VPS8: variants seen among roughly 807,000 people sequenced by gnomAD.
VPS8 encodes vacuolar protein sorting-associated protein 8 homolog.
VPS8 carries 129 observed loss-of-function variants against 216.4 expected under a neutral mutation model. The observed-to-expected ratio is 0.60, with a 90% CI of 0.52 to 0.69. The LOEUF is 0.69. Among genes scored for constraint, VPS8 ranks in the 30% least tolerant of loss-of-function variants. The pLI, the probability that VPS8 is intolerant of heterozygous loss-of-function variation, is 0.00. For synonymous variants in VPS8, 571 were observed against 565.4 expected (o/e 1.01, Z -0.14); for missense variants, 1,531 against 1,683.5 (o/e 0.91, Z 1.59).
At chr3:184,891,602 TG>T (rs923248816) in intron 22 of VPS8, among the ~76,000 whole-genome samples, 3 of 152,194 alleles carry the variant, frequency 2.0e-5, no homozygotes, top group Admixed American at 2.0e-4. Context: ...TATTCACAGC[TG>T]TGTAAGTATC....
chr3:185,031,062 C>CTTTTTTTTTTTTTTTTTTT (rs1561198896), intron 46 of VPS8, among the ~76,000 whole-genome samples: 4 of 75,260 alleles, frequency 5.3e-5, no homozygotes, highest in African/African-American at 3.0e-4. Context: ...TACAGGTTGG[C>CTTTTTTTTTTTTTTTTTTT]GTTTTTTTTT....
chr3:184,911,884 A>T (rs1272853217), intron 25 of VPS8, among the ~76,000 whole-genome samples: 2 of 152,212 alleles, frequency 1.3e-5, no homozygotes, highest in African/African-American at 2.4e-5. Flanking sequence ...CAAACCATGT[A>T]TGAAGTTCCC....
intron 38 of VPS8, among the ~76,000 whole-genome samples, chr3:184,965,359 C>T (rs991949769): frequency 1.5e-4 from 23 of 152,114 alleles, no homozygotes; most frequent in African/African-American, 5.6e-4. Flanking sequence ...CTTTTTCTTG[C>T]AATTTATTTG....
Position 184,971,683 on chromosome 3 carries a change from A to G in VPS8, c.3351A>G (p.Glu1117=). ...AGGATCCCTCATTGAAGGATGTTGA[A>G]GATACTATGGTGGAGACCATTGCTC... The part of the protein sequence containing the change: ...TKEDPSLKDV[E]DTMVETIALC... Residue 1117 remains glutamate (E), a synonymous_variant, in exon 40 of 48, where the codon GAA becomes GAG. Transcript: ENST00000625842. 6.2e-7 allele frequency: 1 copy of G among 1,613,442 alleles called. No individual in the cohort carries two copies. Among genetic ancestry groups the G allele is most frequent in the Non-Finnish European group, 8.5e-7 (1 of 1,179,582 alleles).
intron 23 of VPS8, among the ~76,000 whole-genome samples, chr3:184,897,095 A>T (rs1733639558): frequency 6.6e-6 from 1 of 152,238 alleles, no homozygotes; most frequent in African/African-American, 2.4e-5. Context: ...TTTCCATTTT[A>T]TTCTAAATGC....
At chr3:184,890,629 T>C (rs917386461) in intron 22 of VPS8, among the ~76,000 whole-genome samples, 45 of 152,134 alleles carry the variant, frequency 3.0e-4, no homozygotes, top group Admixed American at 2.9e-3. Context: ...TGTATTCCTA[T>C]TTATATTTAA....
At position 184,863,007 on chromosome 3, in the gene VPS8, G is replaced by A; in HGVS notation, c.1335G>A (p.Leu445=). The change falls in exon 16 of 48, where the codon CTG becomes CTA. Residue 445 remains leucine (L), a synonymous_variant. Coordinates refer to ENST00000625842, the MANE Select transcript of VPS8 (RefSeq NM_001009921.3). The part of the protein sequence containing the change: ...LETVEISEVQ[L]VYNSSHFKSL... ...CAGTGGAGATCTCAGAAGTTCAGCT[G>A]GTCTACAATAGCAGCCATTTCAAAT... The A allele has an allele frequency of 6.2e-7, 1 of 1,612,886 alleles. No homozygotes were observed. Among genetic ancestry groups the A allele is most frequent in the Non-Finnish European group, 8.5e-7 (1 of 1,179,428 alleles).
intron 25 of VPS8, among the ~76,000 whole-genome samples, chr3:184,904,787 T>C (rs1735190286): frequency 6.6e-6 from 1 of 152,224 alleles, no homozygotes; most frequent in Admixed American, 6.5e-5. Flanking sequence ...GTGTTAACTT[T>C]TTTAATGTTT....
intron 46 of VPS8, among the ~76,000 whole-genome samples, chr3:185,026,404 GT>G (rs1484091239): frequency 1.4e-5 from 2 of 140,202 alleles, no homozygotes; most frequent in African/African-American, 5.4e-5. Flanking sequence ...AGGGATGGCT[GT>G]ATTTCTTTTT....
chr3:184,857,395 A>C (rs1385660225), intron 14 of VPS8, among the ~76,000 whole-genome samples: 1 of 152,254 alleles, frequency 6.6e-6, no homozygotes, highest in East Asian at 1.9e-4. Flanking sequence ...CCTAAACAGT[A>C]TCTCTTCAAA....
At chr3:185,020,133 T>C (rs1756436151) in intron 45 of VPS8, among the ~76,000 whole-genome samples, 1 of 152,208 alleles carries the variant, frequency 6.6e-6, no homozygotes, top group Non-Finnish European at 1.5e-5. Context: ...ATATTATATA[T>C]GAGGATACAA....
At chr3:184,946,388 G>A (rs962958854) in intron 36 of VPS8, among the ~76,000 whole-genome samples, 2 of 152,224 alleles carry the variant, frequency 1.3e-5, no homozygotes, top group South Asian at 2.1e-4. Context: ...AGGAATGAGC[G>A]AGGACAGCCA....
chr3:185,026,822 C>T (rs1175264077), intron 46 of VPS8, among the ~76,000 whole-genome samples: 1 of 150,672 alleles, frequency 6.6e-6, no homozygotes, highest in Non-Finnish European at 1.5e-5. Context: ...GATTCTCTTG[C>T]CTTAGTCTCC....
intron 3 of VPS8, 42 bp downstream of exon 3, chr3:184,826,273 T>G: frequency 6.6e-7 from 1 of 1,524,536 alleles, no homozygotes; most frequent in Non-Finnish European, 9.0e-7. Context: ...GTGTGTGGCA[T>G]TCATCTTAAT....
At chr3:184,868,556 A>G (rs1361162844) in intron 18 of VPS8, among the ~76,000 whole-genome samples, 1 of 152,214 alleles carries the variant, frequency 6.6e-6, no homozygotes, top group African/African-American at 2.4e-5. Context: ...GCCAGAGCTC[A>G]GTCACATTGT....
At position 184,866,879 on chromosome 3, in the gene VPS8, T is replaced by C. The variant is rs1310466086; in HGVS notation, c.1399T>C (p.Leu467=). The change falls in exon 17 of 48, where the codon TTG becomes CTG. Residue 467 remains leucine (L), a synonymous_variant. Coordinates refer to ENST00000625842, the MANE Select transcript of VPS8 (RefSeq NM_001009921.3). ...TGGNVSQALA[L]VGEKACYQSI... The stretch of plus-strand genomic sequence containing the variant: ...TGTATGTATGTTTTTCTTCCAGGCT[T>C]TGGTTGGAGAGAAGGCTTGTTATCA... The C allele has an allele frequency of 6.2e-7, 1 of 1,609,866 alleles. No individual in the cohort carries two copies. The highest frequency in any genetic ancestry group is 1.3e-5 in the African/African-American group (1 of 74,814).
At position 185,012,680 on chromosome 3, in the gene VPS8, C is replaced by G. The variant is rs1577154780; in HGVS notation, c.4003-11656C>G. Among the ~76,000 whole-genome samples, 8 of 151,596 alleles carry G rather than the reference C, an allele frequency of 5.3e-5. No homozygotes were observed. The South Asian group carries it at 1.3e-3, about 24-fold the overall frequency. On this transcript the variant is annotated intron_variant, in intron 45 of 47. Transcript: ENST00000625842. ...TTTCTCATTTAAAAAAAAAAAGAGGCCAGAAGACAATAAGCTGGCATTTAA... is the reference window on the plus strand; with the variant it reads ...TTTCTCATTTAAAAAAAAAAAGAGGGCAGAAGACAATAAGCTGGCATTTAA...
intron 44 of VPS8, among the ~76,000 whole-genome samples, chr3:184,997,793 A>C (rs953848591): frequency 1.3e-5 from 2 of 152,216 alleles, no homozygotes; most frequent in Non-Finnish European, 2.9e-5. Flanking sequence ...TTATGAACAG[A>C]CAACTTAAAA....
intron 21 of VPS8, among the ~76,000 whole-genome samples, chr3:184,872,990 T>C (rs1014854572): frequency 1.3e-5 from 2 of 152,156 alleles, no homozygotes; most frequent in Non-Finnish European, 2.9e-5. Context: ...CTTGTAAGAC[T>C]GTCAGAAAGG....
Sources: gnomAD v4.1 joint callset for allele counts (sites outside exome capture counted in the v4.1 genomes callset) on GRCh38, gnomAD v4.1.1 for gene constraint, MANE v1.5 for transcripts, NCBI Gene and HGNC (gene_info 2026-07-23, HGNC 2026-07-21) for gene names.